Variants in CLVS1 observed in about 807,000 individuals in gnomAD.
CLVS1 encodes the protein clavesin 1, also known as clavesin-1.
CLVS1 carries 10 observed loss-of-function variants against 33.1 expected under a neutral mutation model. That is an observed-to-expected ratio of 0.30 (90% CI 0.19 to 0.51). The LOEUF is 0.51. Ranked by LOEUF, CLVS1 falls within the 20% of genes least tolerant of loss-of-function variation. CLVS1 has a pLI of 0.97. For synonymous variants in CLVS1, 163 were observed against 166.1 expected (o/e 0.98, Z 0.14); for missense variants, 343 against 433.4 (o/e 0.79, Z 1.85).
At chr8:61,440,984 T>C (rs1025892771) in intron 3 of CLVS1, among the ~76,000 whole-genome samples, 3 of 152,244 alleles carry the variant, frequency 2.0e-5, no homozygotes, top group Admixed American at 6.5e-5. Context: ...GTAACTGCTA[T>C]TGCATGAGCA....
chr8:61,077,108 T>C (rs1343794174), intron 1 of CLVS1, among the ~76,000 whole-genome samples: 2 of 152,094 alleles, frequency 1.3e-5, no homozygotes, highest in Non-Finnish European at 1.5e-5. Flanking sequence ...GAATCTTGCT[T>C]TGTCGCCCAT....
At chr8:61,370,619 G>A (rs1813397544) in intron 2 of CLVS1, 1 of 152,322 alleles carries the variant, frequency 6.6e-6, no homozygotes, top group Non-Finnish European at 1.5e-5. Flanking sequence ...TTGATCTCCT[G>A]ACCTCGTGAT....
intron 2 of CLVS1, among the ~76,000 whole-genome samples, chr8:61,180,552 G>A (rs549595916): frequency 2.6e-5 from 4 of 151,948 alleles, no homozygotes; most frequent in Non-Finnish European, 5.9e-5. Context: ...AAAACTTCAG[G>A]CCAATATCCT....
intron 1 of CLVS1, among the ~76,000 whole-genome samples, chr8:61,079,319 G>A (rs184688404): frequency 2.0e-4 from 31 of 152,306 alleles, no homozygotes; most frequent in Non-Finnish European, 4.4e-4. Flanking sequence ...AGGCCCGTGT[G>A]ATTTCTTTCT....
chr8:61,157,414 A>G (rs1384748682), intron 2 of CLVS1, among the ~76,000 whole-genome samples: 1 of 152,196 alleles, frequency 6.6e-6, no homozygotes, highest in Non-Finnish European at 1.5e-5. Context: ...AGACCTAAAT[A>G]AAAAAGCTAA....
chr8:61,393,958 T>G (rs994021598), intron 3 of CLVS1, among the ~76,000 whole-genome samples: 2 of 152,238 alleles, frequency 1.3e-5, no homozygotes, highest in Non-Finnish European at 2.9e-5. Flanking sequence ...TGGAATTGCC[T>G]GCAATGCAAT....
At chr8:60,981,749 C>G in the CLVS1 span, among the ~76,000 whole-genome samples, 1 of 152,180 alleles carries the variant, frequency 6.6e-6, no homozygotes, top group African/African-American at 2.4e-5. Flanking sequence ...GCAGCTTGAG[C>G]GGCCAGGGTG....
At chr8:61,446,828 GTTTTT>G (rs56873060) in intron 3 of CLVS1, among the ~76,000 whole-genome samples, 1 of 138,178 alleles carries the variant, frequency 7.2e-6, no homozygotes, top group African/African-American at 2.6e-5. Context: ...TCTTTTGAAG[GTTTTT>G]TTTTTTTTTG....
chr8:61,356,914 T>C (rs1812735063), intron 2 of CLVS1, among the ~76,000 whole-genome samples: 1 of 152,222 alleles, frequency 6.6e-6, no homozygotes, highest in African/African-American at 2.4e-5. Flanking sequence ...TTTGGTTCCA[T>C]ATGAACTTTA....
At chr8:61,091,315 A>C (rs370741804) in intron 1 of CLVS1, among the ~76,000 whole-genome samples, 31 of 152,190 alleles carry the variant, frequency 2.0e-4, no homozygotes, top group African/African-American at 6.5e-4. Flanking sequence ...TGACACCTTG[A>C]TTTTAGCCAT....
upstream of CLVS1, among the ~76,000 whole-genome samples, chr8:61,284,000 A>T (rs1809726079): frequency 6.6e-6 from 1 of 152,214 alleles, no homozygotes; most frequent in Non-Finnish European, 1.5e-5. Context: ...GTGTTTTTAA[A>T]AGTAGTATAT....
chr8:61,384,583 G>A (rs1210611272), intron 3 of CLVS1, among the ~76,000 whole-genome samples: 2 of 152,140 alleles, frequency 1.3e-5, no homozygotes, highest in South Asian at 2.1e-4. Context: ...ATGCCGACTG[G>A]TGATATCGTG....
intron 2 of CLVS1, among the ~76,000 whole-genome samples, chr8:61,335,404 G>A (rs1811762778): frequency 6.6e-6 from 1 of 152,224 alleles, no homozygotes; most frequent in African/African-American, 2.4e-5. Context: ...GAGGTTAGAA[G>A]CAAGATGGAG....
upstream of CLVS1, among the ~76,000 whole-genome samples, chr8:61,056,879 C>T (rs1267226020): frequency 1.3e-5 from 2 of 152,132 alleles, no homozygotes; most frequent in Non-Finnish European, 2.9e-5. Context: ...ACAAGCAATC[C>T]CTACCGGCTT....
the CLVS1 span, among the ~76,000 whole-genome samples, chr8:61,023,371 G>T: frequency 6.6e-6 from 1 of 152,190 alleles, no homozygotes; most frequent in Non-Finnish European, 1.5e-5. Flanking sequence ...TTGGAGACGG[G>T]GACAGAGTTC....
chr8:61,177,554 A>C (rs1486951499), intron 2 of CLVS1, among the ~76,000 whole-genome samples: 1 of 152,140 alleles, frequency 6.6e-6, no homozygotes, highest in Non-Finnish European at 1.5e-5. Flanking sequence ...AGGGGTTGTC[A>C]GACACCCTAT....
chr8:61,119,380 T>G (rs1805809284), intron 1 of CLVS1, among the ~76,000 whole-genome samples: 1 of 151,206 alleles, frequency 6.6e-6, no homozygotes, highest in Non-Finnish European at 1.5e-5. Context: ...ACATTTAAAG[T>G]TAATATTGTT....
intron 2 of CLVS1, among the ~76,000 whole-genome samples, chr8:61,193,299 T>A (rs1171787252): frequency 2.6e-5 from 4 of 152,066 alleles, no homozygotes; most frequent in African/African-American, 9.6e-5. Context: ...ATGTTCTCAC[T>A]CATAGGTGGG....
At chr8:61,376,409 C>T (rs1813643804) in intron 2 of CLVS1, among the ~76,000 whole-genome samples, 196 bp from the exon 3 acceptor site, 1 of 152,188 alleles carries the variant, frequency 6.6e-6, no homozygotes. Context: ...GGGAGGTGTC[C>T]AACCTGCAAG....
Sources: gnomAD v4.1 joint callset for allele counts (sites outside exome capture counted in the v4.1 genomes callset) on GRCh38, gnomAD v4.1.1 for gene constraint, MANE v1.5 for transcripts, NCBI Gene and HGNC (gene_info 2026-07-23, HGNC 2026-07-21) for gene names.